The following SORCS1 variants were observed in gnomAD, a reference collection of about 807,000 sequenced individuals.
SORCS1 encodes the protein sortilin related VPS10 domain containing receptor 1.
A neutral mutation model predicts 146.1 loss-of-function variants in SORCS1; 60 were observed. The observed-to-expected ratio is 0.41, with a 90% CI of 0.33 to 0.51. SORCS1 has a LOEUF of 0.51. Ranked by LOEUF, SORCS1 falls within the 20% of genes least tolerant of loss-of-function variation. The pLI, the probability that SORCS1 is intolerant of heterozygous loss-of-function variation, is 0.21. For synonymous variants in SORCS1, 637 were observed against 584.0 expected, an observed-to-expected ratio of 1.09 and a Z score of -1.31; for missense variants, 1,352 against 1,487.6, an observed-to-expected ratio of 0.91 and a Z score of 1.50.
chr10:106,927,944 G>A (rs1239658831), intron 2 of SORCS1, among the ~76,000 whole-genome samples: 1 of 152,242 alleles, frequency 6.6e-6, no homozygotes, highest in East Asian at 1.9e-4. Flanking sequence ...CACAAACCCT[G>A]AGCTAGACAC....
chr10:107,140,823 C>A (rs1967760198), intron 1 of SORCS1, among the ~76,000 whole-genome samples: 1 of 152,042 alleles, frequency 6.6e-6, no homozygotes, highest in African/African-American at 2.4e-5. Context: ...TCAAGTTAAC[C>A]CTGTTAGTGG....
intron 3 of SORCS1, among the ~76,000 whole-genome samples, chr10:106,824,996 G>A (rs1948230261): frequency 6.6e-6 from 1 of 152,148 alleles, no homozygotes; most frequent in African/African-American, 2.4e-5. Flanking sequence ...AGACCACAAG[G>A]ATAAAACAAC....
At chr10:106,886,166 G>T (rs771861998) in intron 2 of SORCS1, among the ~76,000 whole-genome samples, 16 of 152,128 alleles carry the variant, frequency 1.1e-4, no homozygotes, top group Non-Finnish European at 2.1e-4. Flanking sequence ...GGAGGCTGAG[G>T]CAGGAGAAGC....
At chr10:106,679,196 A>G (rs919280452) in intron 12 of SORCS1, 60 bp downstream of exon 12, 32 of 1,399,004 alleles carry the variant, frequency 2.3e-5, no homozygotes, top group Admixed American at 5.6e-5. Context: ...GATTTGAACC[A>G]AGCTGGGCAA....
chr10:107,018,380 G>A (rs979256035), intron 1 of SORCS1, among the ~76,000 whole-genome samples: 2 of 151,378 alleles, frequency 1.3e-5, no homozygotes, highest in African/African-American at 4.9e-5. Flanking sequence ...TAGAGACGGG[G>A]TTTCACCGTG....
At chr10:106,578,837 A>G in intron 25 of SORCS1, 4 of 1,348,574 alleles carry the variant, frequency 3.0e-6, no homozygotes, top group Non-Finnish European at 1.9e-6. Flanking sequence ...TAACATTTTA[A>G]GCCCAATATT....
intron 5 of SORCS1, among the ~76,000 whole-genome samples, chr10:106,753,924 C>G (rs762934603): frequency 4.6e-5 from 7 of 152,168 alleles, no homozygotes; most frequent in Non-Finnish European, 8.8e-5. Context: ...CTATTGTCTA[C>G]TAGTGGGAAA....
Position 106,661,322 on chromosome 10 carries a change from A to G in SORCS1, c.2303+6367T>C, listed in dbSNP as rs79939781. On this transcript the variant is annotated intron_variant, in intron 17 of 25. Transcript: ENST00000263054. ...AAACACATTATCTGGCCTGAGTGGC[A>G]TAAAGGGACAGACGTGCTTTGGTGT... is the stretch of plus-strand genomic sequence containing the variant. Among the ~76,000 whole-genome samples the G allele has an allele frequency of 6.5e-3, 992 of 152,350 alleles. 16 individuals carry two copies. Among genetic ancestry groups the G allele is most frequent in the African/African-American group, 0.022 (908 of 41,576 alleles).
At chr10:106,751,093 A>C (rs1858188564) in intron 5 of SORCS1, among the ~76,000 whole-genome samples, 1 of 140,204 alleles carries the variant, frequency 7.1e-6, no homozygotes, top group African/African-American at 2.8e-5. Flanking sequence ...AAAAAAAAAA[A>C]ATGCGGAGGA....
At chr10:106,992,832 T>C (rs1212939682) in intron 1 of SORCS1, among the ~76,000 whole-genome samples, 1 of 135,058 alleles carries the variant, frequency 7.4e-6, no homozygotes, top group African/African-American at 2.9e-5. Flanking sequence ...CTTTCTTTTT[T>C]TTTTTTTTTT....
At chr10:106,926,431 GA>G (rs1953020375) in intron 2 of SORCS1, among the ~76,000 whole-genome samples, 1 of 152,054 alleles carries the variant, frequency 6.6e-6, no homozygotes, top group Non-Finnish European at 1.5e-5. Context: ...TGTCTCATCT[GA>G]AAAGTGGGGA....
At chr10:106,976,342 T>TG (rs1554901334) in intron 1 of SORCS1, among the ~76,000 whole-genome samples, 2,236 of 141,356 alleles carry the variant, frequency 0.016, 79 homozygotes, top group African/African-American at 0.053. Context: ...TGTTTTTTTT[T>TG]TTTTTTTGAG....
chr10:106,863,524 CA>C (rs397807005), intron 2 of SORCS1, among the ~76,000 whole-genome samples: 4,897 of 86,130 alleles, frequency 0.057, 195 homozygotes, highest in African/African-American at 0.14. Context: ...GACTCCATTT[CA>C]AAAAAAAAAA....
chr10:106,869,608 T>C (rs1031557758), intron 2 of SORCS1, among the ~76,000 whole-genome samples: 1 of 152,170 alleles, frequency 6.6e-6, no homozygotes, highest in East Asian at 1.9e-4. Flanking sequence ...ATTATCTCAA[T>C]AGATGCAGAA....
chr10:106,779,347 T>C lies in SORCS1; in HGVS notation c.727-2655A>G, dbSNP rs535850300. On this transcript the variant is annotated intron_variant, in intron 3 of 25. Transcript: ENST00000263054. ...TCAATCTGGATCCATTTTTCATTAG[T>C]TATTTTTCTTATTGCAGAAACAACT... is the stretch of plus-strand genomic sequence containing the variant. Among the ~76,000 whole-genome samples, 9 of 152,270 alleles carry C rather than the reference T, an allele frequency of 5.9e-5. 1 individual carries two copies. The South Asian group carries it at 1.9e-3, about 32-fold the overall frequency.
At chr10:107,089,294 G>A (rs1197514137) in intron 1 of SORCS1, among the ~76,000 whole-genome samples, 1 of 152,062 alleles carries the variant, frequency 6.6e-6, no homozygotes, top group Non-Finnish European at 1.5e-5. Context: ...TACTTGACAT[G>A]AACTAAAAAC....
intron 6 of SORCS1, among the ~76,000 whole-genome samples, chr10:106,721,637 C>T (rs1482809658): frequency 1.3e-5 from 2 of 152,172 alleles, no homozygotes; most frequent in African/African-American, 4.8e-5. Flanking sequence ...CATTATGATA[C>T]TGATAGACTA....
At chr10:106,972,277 G>T (rs1955818183) in intron 1 of SORCS1, among the ~76,000 whole-genome samples, 1 of 151,534 alleles carries the variant, frequency 6.6e-6, no homozygotes, top group Admixed American at 6.6e-5. Flanking sequence ...AGCTACTCAG[G>T]AGGCTGAGGA....
chr10:106,632,333 T>C (rs1848486683), intron 18 of SORCS1, among the ~76,000 whole-genome samples: 1 of 152,202 alleles, frequency 6.6e-6, no homozygotes. Context: ...CTGGATTCCA[T>C]GCCTTTTCCT....
Sources: allele counts gnomAD v4.1 joint callset (sites outside exome capture counted in the v4.1 genomes callset), GRCh38; gene constraint gnomAD v4.1.1; transcripts MANE v1.5; gene names NCBI Gene and HGNC (gene_info 2026-07-23, HGNC 2026-07-21).